Variants in DPYD observed in about 807,000 individuals in gnomAD.
The protein encoded by DPYD is dihydropyrimidine dehydrogenase [NADP(+)].
In DPYD, 109 loss-of-function variants were observed where a neutral mutation model predicts 116.2. That is an observed-to-expected ratio of 0.94 (90% confidence interval 0.80 to 1.10). The LOEUF is 1.10. DPYD is among the 50% of genes least tolerant of loss of function. The probability of loss-of-function intolerance (pLI) is 0.00; values close to 1 mark genes in which losing one functional copy is unlikely to be tolerated. For synonymous variants in DPYD, 440 were observed against 432.0 expected, an observed-to-expected ratio of 1.02 and a Z score of -0.23; for missense variants, 1,302 against 1,254.5, an observed-to-expected ratio of 1.04 and a Z score of -0.57.
At chr1:97,785,985 G>A (rs1388850691) in intron 3 of DPYD, among the ~76,000 whole-genome samples, 1 of 149,748 alleles carries the variant, frequency 6.7e-6, no homozygotes, top group East Asian at 2.0e-4. Context: ...GAGCCACCAC[G>A]TCCGGCCGGG....
intron 3 of DPYD, among the ~76,000 whole-genome samples, chr1:97,791,689 T>G (rs919576708): frequency 6.6e-6 from 1 of 152,202 alleles, no homozygotes; most frequent in African/African-American, 2.4e-5. Context: ...TAAATGCTAG[T>G]GTATTGACTA....
chr1:97,759,536 C>T (rs1183260897), intron 3 of DPYD, among the ~76,000 whole-genome samples: 2 of 152,084 alleles, frequency 1.3e-5, no homozygotes, highest in Non-Finnish European at 2.9e-5. Context: ...TCCAAAGTAA[C>T]ATTGAAATAT....
chr1:97,647,418 A>G, intron 8 of DPYD, among the ~76,000 whole-genome samples: 1 of 152,070 alleles, frequency 6.6e-6, no homozygotes, highest in Admixed American at 6.6e-5. Context: ...GTAGGAGATC[A>G]TGAAGAAAAC....
At chr1:97,888,615 T>A (rs887206657) in intron 1 of DPYD, among the ~76,000 whole-genome samples, 3 of 149,146 alleles carry the variant, frequency 2.0e-5, no homozygotes, top group African/African-American at 4.9e-5. Context: ...AAAAAGAAAA[T>A]CTTGAATGTA....
At chr1:97,793,135 T>A (rs1024466069) in intron 3 of DPYD, among the ~76,000 whole-genome samples, 1 of 152,224 alleles carries the variant, frequency 6.6e-6, no homozygotes, top group Admixed American at 6.5e-5. Context: ...CTGTCTCTGC[T>A]ATTTTTCTGT....
In DPYD at chr1:97,193,073, T is replaced by C. The variant is rs1658492649; in HGVS notation, c.2618A>G (p.Asp873Gly). The C allele has an allele frequency of 6.2e-7, 1 of 1,613,900 alleles. No homozygotes were observed. Among genetic ancestry groups the C allele is most frequent in the South Asian group, 1.1e-5 (1 of 91,082 alleles). ...ACAGGAGATTTAAGCACATACCTTG[T>C]CCATGAGTTCAGCTATACGTGGAAC... ...KPVPRIAELM[D>G]KKLPSFGPYL... Residue 873 changes from aspartate (D) to glycine (G), a missense_variant, in exon 20 of 23, where the codon GAC becomes GGC. By Grantham distance (94) the Asp-to-Gly change is moderately conservative (BLOSUM62 -1). Transcript: ENST00000370192.
At chr1:97,604,669 C>G (rs898790903) in intron 8 of DPYD, among the ~76,000 whole-genome samples, 1 of 152,036 alleles carries the variant, frequency 6.6e-6, no homozygotes, top group Non-Finnish European at 1.5e-5. Context: ...TTTAGTATTA[C>G]TGTCATATTG....
intron 13 of DPYD, among the ~76,000 whole-genome samples, chr1:97,512,674 T>C (rs912881247): frequency 6.6e-6 from 1 of 151,892 alleles, no homozygotes; most frequent in African/African-American, 2.4e-5. Flanking sequence ...CCATTTCTAA[T>C]ATTCCCTCTT....
chr1:97,333,926 T>C (rs957792272), intron 16 of DPYD, among the ~76,000 whole-genome samples: 11 of 152,202 alleles, frequency 7.2e-5, no homozygotes, highest in African/African-American at 2.7e-4. Context: ...CCATATGCTC[T>C]ATATGGAAAC....
chr1:97,356,876 A>G (rs1670452776), intron 16 of DPYD, among the ~76,000 whole-genome samples: 1 of 152,166 alleles, frequency 6.6e-6, no homozygotes, highest in African/African-American at 2.4e-5. Context: ...CCACTGGTCA[A>G]TTAGTCTATT....
chr1:97,832,730 T>C (rs889453235), intron 2 of DPYD, among the ~76,000 whole-genome samples: 8 of 152,114 alleles, frequency 5.3e-5, no homozygotes, highest in African/African-American at 1.9e-4. Flanking sequence ...TGAATCCCCA[T>C]GGGTTGAGGG....
In DPYD at chr1:97,082,383, T is replaced by C. The variant is rs1649217741; in HGVS notation, c.2854A>G (p.Met952Val). 1 of 1,613,518 alleles carries C rather than the reference T, an allele frequency of 6.2e-7. No individual in the cohort carries two copies. Among genetic ancestry groups the C allele is most frequent in the Admixed American group, 1.7e-5 (1 of 59,982 alleles). The change falls in exon 22 of 23, where the codon ATG becomes GTG. Residue 952 changes from methionine (M) to valine (V), a missense_variant. Physicochemically the swap from Met to Val is conservative, Grantham distance 21. Coordinates refer to ENST00000370192, the MANE Select transcript of DPYD (RefSeq NM_000110.4). ...EQVVAMIDEE[M>V]CINCGKCYMT... ...TAGCATTTACCACAGTTGATACACA[T>C]TTCTTCATCAATCATAGCCACAACT...
At chr1:97,494,277 T>A (rs1286050487) in intron 13 of DPYD, among the ~76,000 whole-genome samples, 1 of 152,118 alleles carries the variant, frequency 6.6e-6, no homozygotes, top group Non-Finnish European at 1.5e-5. Context: ...GCTCACTGCA[T>A]CCTCAAACTC....
At chr1:97,679,443 A>G (rs1444687699) in intron 7 of DPYD, among the ~76,000 whole-genome samples, 1 of 152,224 alleles carries the variant, frequency 6.6e-6, no homozygotes, top group Non-Finnish European at 1.5e-5. Flanking sequence ...CATAGCTTGC[A>G]TAATATGTTC....
chr1:97,613,670 C>T (rs1241633050), intron 8 of DPYD, among the ~76,000 whole-genome samples: 4 of 151,794 alleles, frequency 2.6e-5, no homozygotes, highest in Admixed American at 1.3e-4. Context: ...ATGAATATAG[C>T]GTTTAAGTAA....
At chr1:97,414,401 A>G (rs1674176309) in intron 14 of DPYD, among the ~76,000 whole-genome samples, 1 of 152,202 alleles carries the variant, frequency 6.6e-6, no homozygotes, top group Admixed American at 6.5e-5. Context: ...TCCCTATCTT[A>G]TGGTCTTGAA....
intron 16 of DPYD, among the ~76,000 whole-genome samples, chr1:97,367,633 G>C (rs76364010): frequency 0.045 from 6,812 of 152,204 alleles, 265 homozygotes; most frequent in East Asian, 0.17. Context: ...CTTTGTTCAG[G>C]TCCTTATTTG....
chr1:97,314,246 G>A (rs894423041), intron 16 of DPYD, among the ~76,000 whole-genome samples: 2 of 151,840 alleles, frequency 1.3e-5, no homozygotes, highest in Admixed American at 1.3e-4. Flanking sequence ...TTGTACCTCT[G>A]ACCCTGACCC....
At chr1:97,856,214 G>A (rs1435870643) in intron 2 of DPYD, 1 of 152,212 alleles carries the variant, frequency 6.6e-6, no homozygotes, top group African/African-American at 2.4e-5. Flanking sequence ...ACAGAAAGGA[G>A]AGGCAAAATT....
Sources: gnomAD v4.1 joint callset for allele counts (sites outside exome capture counted in the v4.1 genomes callset) on GRCh38, gnomAD v4.1.1 for gene constraint, MANE v1.5 for transcripts, NCBI Gene and HGNC (gene_info 2026-07-23, HGNC 2026-07-21) for gene names.